SLC36A1: variants seen among roughly 807,000 people sequenced by gnomAD.
SLC36A1 encodes the protein solute carrier family 36 member 1, also known as proton-coupled amino acid transporter 1.
SLC36A1 carries 30 observed loss-of-function variants against 47.5 expected under a neutral mutation model. That is an observed-to-expected ratio of 0.63 (90% CI 0.47 to 0.86). The LOEUF is 0.86. SLC36A1 is among the 40% of genes least tolerant of loss of function. The probability of loss-of-function intolerance (pLI) is 0.00; values close to 1 mark genes in which losing one functional copy is unlikely to be tolerated. For missense variants in SLC36A1, 517 were observed against 606.0 expected (o/e 0.85, Z 1.54); for synonymous variants, 255 against 249.7 (o/e 1.02, Z -0.20).
At chr5:151,543,052 G>A in the SLC36A1 span, 2 of 1,614,204 alleles carry the variant, frequency 1.2e-6, no homozygotes. Flanking sequence ...CAAAGGTTCA[G>A]AAAATTTCGG....
chr5:151,513,924 A>T, the SLC36A1 span, among the ~76,000 whole-genome samples: 1 of 152,218 alleles, frequency 6.6e-6, no homozygotes, highest in Non-Finnish European at 1.5e-5. Flanking sequence ...AATAATTTTC[A>T]AGAGTGTAAA....
the SLC36A1 span, among the ~76,000 whole-genome samples, chr5:151,420,711 C>T: frequency 5.9e-5 from 9 of 152,256 alleles, no homozygotes; most frequent in African/African-American, 9.6e-5. Flanking sequence ...TGTCCCTATA[C>T]GTATCCTCCC....
chr5:151,495,300 T>C (rs546170366), downstream of SLC36A1, among the ~76,000 whole-genome samples: 23 of 152,258 alleles, frequency 1.5e-4, no homozygotes, highest in Non-Finnish European at 2.9e-4. Context: ...ATTTTGCCTC[T>C]TAAAATTCAG....
intron 6 of SLC36A1, among the ~76,000 whole-genome samples, 173 bp from the exon 7 acceptor site, chr5:151,467,534 T>C (rs1402309006): frequency 1.3e-5 from 2 of 152,052 alleles, no homozygotes; most frequent in East Asian, 3.9e-4. Flanking sequence ...GCTCAGACAA[T>C]TGGGTTGCTG....
At chr5:151,517,632 G>A in the SLC36A1 span, 16 of 1,613,978 alleles carry the variant, frequency 9.9e-6, no homozygotes, top group South Asian at 7.7e-5. Flanking sequence ...TCAGGGAGAC[G>A]GACGCTGTTT....
At chr5:151,432,540 AT>A (rs1354203055), upstream of SLC36A1, among the ~76,000 whole-genome samples, 4 of 152,160 alleles carry the variant, frequency 2.6e-5, no homozygotes, top group Admixed American at 6.5e-5. Flanking sequence ...CAAAACTCTT[AT>A]CCCCTGGTTA....
intron 1 of SLC36A1, among the ~76,000 whole-genome samples, chr5:151,458,207 C>G (rs185921160): frequency 6.7e-6 from 1 of 148,536 alleles, no homozygotes; most frequent in Non-Finnish European, 1.5e-5. Flanking sequence ...AAAGAGTATA[C>G]GATGAGAAAT....
chr5:151,465,097 A>T lies in SLC36A1; in HGVS notation c.347A>T (p.Tyr116Phe). The T allele has an allele frequency of 6.2e-7, 1 of 1,614,048 alleles. No individual in the cohort carries two copies. Among genetic ancestry groups the T allele is most frequent in the Non-Finnish European group, 8.5e-7 (1 of 1,179,926 alleles). The change falls in exon 5 of 11, where the codon TAT (tyrosine) becomes TTT (phenylalanine). Residue 116 changes from tyrosine (Y) to phenylalanine (F), a missense_variant. Physicochemically the swap from Tyr to Phe is conservative, Grantham distance 22. Transcript: ENST00000243389. ...AGGCTGAATAAATCCTTTGTGGATT[A>T]TGGTGATACTGTGATGTATGGACTA... Reference protein sequence around the residue: ...CRRLNKSFVDYGDTVMYGLES... With the variant: ...CRRLNKSFVDFGDTVMYGLES...
the SLC36A1 span, among the ~76,000 whole-genome samples, chr5:151,416,396 G>C: frequency 6.6e-6 from 1 of 152,202 alleles, no homozygotes; most frequent in South Asian, 2.1e-4. Flanking sequence ...CAATAGAAGT[G>C]AGGAAATTGT....
At chr5:151,494,475 A>G (rs1365197162), downstream of SLC36A1, among the ~76,000 whole-genome samples, 1 of 152,184 alleles carries the variant, frequency 6.6e-6, no homozygotes, top group Non-Finnish European at 1.5e-5. Context: ...CACACCACTC[A>G]GCCCTTGGCA....
chr5:151,380,398 A>G, the SLC36A1 span: 6 of 388,250 alleles, frequency 1.5e-5, no homozygotes, highest in Non-Finnish European at 2.1e-5. Flanking sequence ...GAAAAACAAG[A>G]GCGTGTGGAA....
At chr5:151,497,927 T>TG in the SLC36A1 span, among the ~76,000 whole-genome samples, 7 of 148,760 alleles carry the variant, frequency 4.7e-5, no homozygotes, top group South Asian at 1.1e-3. Context: ...TACCTTTAGC[T>TG]GGGGGGATGT....
intron 2 of SLC36A1, among the ~76,000 whole-genome samples, chr5:151,462,392 T>G (rs1030388816): frequency 6.6e-6 from 1 of 151,332 alleles, no homozygotes; most frequent in Non-Finnish European, 1.5e-5. Flanking sequence ...TTTGAGACAG[T>G]CTTGCTCTGT....
chr5:151,458,680 C>T, intron 1 of SLC36A1, 108 bp from the exon 2 acceptor site: 1 of 1,231,226 alleles, frequency 8.1e-7, no homozygotes, highest in Non-Finnish European at 1.1e-6. Flanking sequence ...GTGGAGCTGT[C>T]ACAGTGAGCA....
At chr5:151,447,211 C>T (rs1752979849), upstream of SLC36A1, among the ~76,000 whole-genome samples, 1 of 152,152 alleles carries the variant, frequency 6.6e-6, no homozygotes, top group Non-Finnish European at 1.5e-5. Context: ...GTTCCATTTC[C>T]AGTAGCAACC....
the SLC36A1 span, among the ~76,000 whole-genome samples, chr5:151,516,230 G>A: frequency 3.3e-5 from 5 of 152,148 alleles, no homozygotes; most frequent in Non-Finnish European, 7.3e-5. Flanking sequence ...TGTAACTCCG[G>A]CTGGGCATGT....
chr5:151,468,266 A>AAAAAAAAAAAAAAATAT (rs55642458), intron 7 of SLC36A1, among the ~76,000 whole-genome samples: 2 of 63,830 alleles, frequency 3.1e-5, no homozygotes, highest in African/African-American at 8.8e-5. Flanking sequence ...AAAAAAAAAA[A>AAAAAAAAAAAAAAATAT]ATATATATAT....
intron 1 of SLC36A1, among the ~76,000 whole-genome samples, chr5:151,437,558 G>A (rs1403022456): frequency 6.6e-6 from 1 of 152,028 alleles, no homozygotes; most frequent in Non-Finnish European, 1.5e-5. Context: ...ATACAATATA[G>A]CTATAATGAT....
At chr5:151,435,708 T>C (rs1759732146), upstream of SLC36A1, among the ~76,000 whole-genome samples, 1 of 151,530 alleles carries the variant, frequency 6.6e-6, no homozygotes, top group African/African-American at 2.4e-5. Context: ...TCCAAATTAC[T>C]AGAGAATAAA....
Sources: allele counts gnomAD v4.1 joint callset (sites outside exome capture counted in the v4.1 genomes callset), GRCh38; gene constraint gnomAD v4.1.1; transcripts MANE v1.5; gene names NCBI Gene and HGNC (gene_info 2026-07-23, HGNC 2026-07-21).